The following TTLL11 variants were observed in gnomAD, a reference collection of about 807,000 sequenced individuals.
TTLL11 encodes tubulin polyglutamylase TTLL11.
In TTLL11, 42 loss-of-function variants were observed where a neutral mutation model predicts 51.7. That is an observed-to-expected ratio of 0.81 (90% CI 0.64 to 1.05). The LOEUF (loss-of-function observed/expected upper bound fraction) is 1.05, where lower values mean the gene tolerates loss of function less well. Ranked by LOEUF, TTLL11 falls within the 50% of genes least tolerant of loss-of-function variation. The pLI is 0.00. For synonymous variants in TTLL11, 381 were observed against 383.5 expected, an observed-to-expected ratio of 0.99 and a Z score of 0.08; for missense variants, 799 against 940.4, an observed-to-expected ratio of 0.85 and a Z score of 1.97.
intron 1 of TTLL11, among the ~76,000 whole-genome samples, chr9:122,042,725 C>A (rs898621896): frequency 2.6e-5 from 4 of 152,122 alleles, no homozygotes; most frequent in Non-Finnish European, 5.9e-5. Flanking sequence ...AAATAAACTA[C>A]AGTATATCCA....
rs1197365484 is a variant in TTLL11 at position 122,092,955 on chromosome 9, G to A, written c.194C>T (p.Pro65Leu). 2 of 1,578,160 alleles carry A rather than the reference G, an allele frequency of 1.3e-6. No homozygotes were observed. Among genetic ancestry groups the A allele is most frequent in the African/African-American group, 2.7e-5 (2 of 73,364 alleles). ...AGCCGCACTGGGCTGCGCCGGGGCC[G>A]GGGCCAGGACCTTGGGCTGCTCCTC... ...AGEEQPKVLA[P>L]APAQPSAAEE... Residue 65 changes from proline to leucine, a missense_variant, in exon 1 of 9, where the codon CCG (proline) becomes CTG (leucine). Pro to Leu is a moderately conservative substitution (Grantham distance 98). Transcript: ENST00000321582.
chr9:121,852,697 T>A (rs1258312625), intron 8 of TTLL11, among the ~76,000 whole-genome samples: 1 of 152,094 alleles, frequency 6.6e-6, no homozygotes, highest in Non-Finnish European at 1.5e-5. Context: ...GGTGCAGAAG[T>A]GGCTTTAGCA....
In TTLL11 at chr9:121,974,008, C is replaced by T. The variant is rs1842638880; in HGVS notation, c.1481+1G>A. On this transcript the variant is annotated splice_donor_variant, in intron 6 of 8. Transcript: ENST00000321582. LOFTEE classifies it high-confidence loss of function. ...AATGAATGACATAAAAAAGTACTTA[C>T]TGATTCTCTCTTTTCTTCTTAAGTG... The T allele has an allele frequency of 1.1e-5, 17 of 1,550,208 alleles. No homozygotes were observed. The highest frequency in any genetic ancestry group is 2.4e-5 in the East Asian group (1 of 40,890).
Position 121,822,696 on chromosome 9 carries a change from CGGT to C in TTLL11, c.2021_2023del (p.His674del), listed in dbSNP as rs1045411569. ...GGGGGAGGGCTCCTGGGGAGGGCCA[CGGT>C]GTGGGGGCCGGCCCCCCGACGGGAC... On this transcript the variant is annotated inframe_deletion, in exon 9 of 9. Transcript: ENST00000321582. This position sits in a 1 kb window ranked among gnomAD's most constrained non-coding sequence, Gnocchi z 5.8. 4.0e-6 allele frequency: 6 copies of C among 1,513,840 alleles called. No homozygotes were observed. In the African/African-American group the frequency reaches 8.4e-5, roughly 21 times the overall value. The allele number at this position is 1,513,840 out of a possible 1,614,324, so 93.8% of individuals were successfully genotyped here.
intron 8 of TTLL11, among the ~76,000 whole-genome samples, chr9:121,823,407 G>A (rs1836645107): frequency 1.3e-5 from 2 of 152,146 alleles, no homozygotes; most frequent in Non-Finnish European, 2.9e-5. Context: ...TTAACTGGGC[G>A]TGGTGGCATA....
chr9:121,887,458 C>T (rs929382027), intron 6 of TTLL11, among the ~76,000 whole-genome samples: 2 of 152,198 alleles, frequency 1.3e-5, no homozygotes, highest in Non-Finnish European at 2.9e-5. Flanking sequence ...TGCAATTTCT[C>T]TTCCCCACGT....
intron 1 of TTLL11, among the ~76,000 whole-genome samples, chr9:122,076,479 A>G (rs1202634350): frequency 6.6e-6 from 1 of 152,202 alleles, no homozygotes; most frequent in Non-Finnish European, 1.5e-5. Flanking sequence ...AGGGGAAATA[A>G]AAGGAATAAG....
intron 3 of TTLL11, among the ~76,000 whole-genome samples, chr9:122,007,482 AAAAAAAAAG>A (rs1843689816): frequency 1.2e-5 from 1 of 86,308 alleles, no homozygotes. Flanking sequence ...TCTCAAAAAA[AAAAAAAAAG>A]AAAAAAGAAA....
chr9:121,918,061 T>C (rs953974163), intron 6 of TTLL11, among the ~76,000 whole-genome samples: 3 of 152,010 alleles, frequency 2.0e-5, no homozygotes, highest in Non-Finnish European at 1.5e-5. Flanking sequence ...GAGGTGGGCC[T>C]CGGTTTACCC....
In TTLL11 at chr9:121,974,064, C is replaced by T. The variant is rs1269541837; in HGVS notation, c.1426G>A (p.Val476Met). The change falls in exon 6 of 9, where the codon GTG (valine) becomes ATG (methionine). Residue 476 changes from valine (V) to methionine (M), a missense_variant. Physicochemically the swap from Val to Met is conservative, Grantham distance 21 (BLOSUM62 1). Transcript: ENST00000321582. Reference sequence around the variant, plus strand: ...ATGAGGCGCAGAGTGTCTCTGATCACAGCCACTTTCACTTCTTCATCAACG... The same window carrying T: ...ATGAGGCGCAGAGTGTCTCTGATCATAGCCACTTTCACTTCTTCATCAACG... ...SLVDEEVKVA[V>M]IRDTLRLMDP... 1 of 1,551,654 alleles carries T rather than the reference C, an allele frequency of 6.4e-7. No homozygotes were observed. Among genetic ancestry groups the T allele is most frequent in the Non-Finnish European group, 8.7e-7 (1 of 1,147,010 alleles).
intron 1 of TTLL11, among the ~76,000 whole-genome samples, chr9:122,060,513 A>T (rs1845409662): frequency 6.6e-6 from 1 of 152,196 alleles, no homozygotes; most frequent in Non-Finnish European, 1.5e-5. Flanking sequence ...CAGTTCCAAC[A>T]TCTGAGCTCC....
At position 121,822,668 on chromosome 9, in the gene TTLL11, C is replaced by T. The variant is rs1232648802; in HGVS notation, c.2052G>A (p.Ser684=). Residue 684 remains serine (S), a synonymous_variant, in exon 9 of 9, where the codon TCG becomes TCA. Transcript: ENST00000321582. This position sits in a 1 kb window ranked among gnomAD's most constrained non-coding sequence, Gnocchi z 5.8. ...GGGGGTTGTCCCCTGCTGGCTGGGCCGAGGGGGAGGGCTCCTGGGGAGGGC... is the reference window on the plus strand; with the variant it reads ...GGGGGTTGTCCCCTGCTGGCTGGGCTGAGGGGGAGGGCTCCTGGGGAGGGC... ...HRGPPQEPSP[S]AQPAGDNPPP... is the part of the protein sequence containing the mutation. 38 of 1,519,580 alleles carry T rather than the reference C, an allele frequency of 2.5e-5. No homozygotes were observed. In the East Asian group the frequency reaches 4.1e-4, roughly 16 times the overall value. 94.1% of individuals were successfully genotyped at this position (1,519,580 alleles called of 1,614,324 possible).
intron 8 of TTLL11, among the ~76,000 whole-genome samples, chr9:121,829,160 G>T (rs983670280): frequency 5.9e-5 from 9 of 151,830 alleles, no homozygotes; most frequent in African/African-American, 1.7e-4. Context: ...CACCACCTTG[G>T]CCAGGCTGGT....
chr9:121,989,741 G>C lies in TTLL11; in HGVS notation c.723C>G (p.Ser241=), dbSNP rs770027194. The C allele has an allele frequency of 6.2e-7, 1 of 1,607,864 alleles. No homozygotes were observed. The highest frequency in any genetic ancestry group is 2.2e-5 in the East Asian group (1 of 44,740). ...GTTTCACGATAAAAGTGGGCTTCCA[G>C]GAGGGGTCATCGTCTTTCACCATTT... ...QVQMVKDDDP[S]WKPTFIVKPD... is the part of the protein sequence containing the mutation. The change falls in exon 4 of 9, where the codon TCC becomes TCG. Residue 241 remains serine (S), a synonymous_variant. Coordinates refer to ENST00000321582, the MANE Select transcript of TTLL11 (RefSeq NM_001139442.2). The surrounding 1 kb of genome is among the most constrained non-coding windows in gnomAD (Gnocchi z 4.2).
intron 6 of TTLL11, among the ~76,000 whole-genome samples, chr9:121,883,858 G>A (rs991803929): frequency 4.6e-5 from 7 of 152,170 alleles, no homozygotes; most frequent in Admixed American, 6.5e-5. Flanking sequence ...GCAGAGTGGC[G>A]AGAGCTGCAG....
At chr9:121,992,496 C>T (rs1463568385) in intron 3 of TTLL11, among the ~76,000 whole-genome samples, 1 of 152,194 alleles carries the variant, frequency 6.6e-6, no homozygotes, top group Non-Finnish European at 1.5e-5. Flanking sequence ...GGAAAAATCA[C>T]CGCAGGTGAT....
intron 6 of TTLL11, among the ~76,000 whole-genome samples, chr9:121,883,118 G>C (rs532244922): frequency 2.0e-5 from 3 of 152,074 alleles, no homozygotes; most frequent in African/African-American, 7.2e-5. Flanking sequence ...TCAGCTTATG[G>C]GTCTATAAAC....
At chr9:121,839,290 C>A (rs1447950239) in intron 8 of TTLL11, among the ~76,000 whole-genome samples, 1 of 152,244 alleles carries the variant, frequency 6.6e-6, no homozygotes, top group Non-Finnish European at 1.5e-5. Flanking sequence ...ACGTCCCCAT[C>A]ACCCCCAGTG....
At chr9:121,860,609 T>C (rs896252065) in intron 7 of TTLL11, among the ~76,000 whole-genome samples, 166 bp from the exon 8 acceptor site, 3 of 152,202 alleles carry the variant, frequency 2.0e-5, no homozygotes, top group African/African-American at 7.2e-5. Context: ...TGACAGGTGA[T>C]TAGGTCGTGA....
Sources: gnomAD v4.1 joint callset for allele counts (sites outside exome capture counted in the v4.1 genomes callset) on GRCh38, gnomAD v4.1.1 for gene constraint, Gnocchi (gnomAD v3.1) non-coding constraint, MANE v1.5 for transcripts, NCBI Gene and HGNC (gene_info 2026-07-23, HGNC 2026-07-21) for gene names.